EXOC4: variants seen among roughly 807,000 people sequenced by gnomAD.
EXOC4 encodes exocyst complex component 4, also known as SEC8-like 1.
EXOC4 carries 71 observed loss-of-function variants against 107.2 expected under a neutral mutation model. The observed-to-expected ratio is 0.66, with a 90% CI of 0.55 to 0.81. The LOEUF is 0.81. Ranked by LOEUF, EXOC4 falls within the 30% of genes least tolerant of loss-of-function variation. The probability of loss-of-function intolerance (pLI) is 0.00; values close to 1 mark genes in which losing one functional copy is unlikely to be tolerated. For synonymous variants in EXOC4, 456 were observed against 441.2 expected, an observed-to-expected ratio of 1.03 and a Z score of -0.42; for missense variants, 1,108 against 1,189.6, an observed-to-expected ratio of 0.93 and a Z score of 1.01.
chr7:134,067,174 A>G (rs1796192666), downstream of EXOC4, among the ~76,000 whole-genome samples: 1 of 149,592 alleles, frequency 6.7e-6, no homozygotes, highest in African/African-American at 2.5e-5. Flanking sequence ...AAAAAAAAAA[A>G]GGCCAACGAA....
intron 14 of EXOC4, among the ~76,000 whole-genome samples, chr7:133,953,036 A>T (rs1417995037): frequency 6.6e-6 from 1 of 152,212 alleles, no homozygotes; most frequent in African/African-American, 2.4e-5. Context: ...GAAATTAGTC[A>T]TTTGAGATTA....
At chr7:133,412,218 A>G (rs780372370) in intron 7 of EXOC4, among the ~76,000 whole-genome samples, 17 of 148,144 alleles carry the variant, frequency 1.1e-4, no homozygotes, top group Admixed American at 2.7e-4. Flanking sequence ...TTAAGCCTTG[A>G]AGAGTGTCCA....
intron 10 of EXOC4, among the ~76,000 whole-genome samples, chr7:133,706,768 A>C (rs1413600739): frequency 6.6e-6 from 1 of 152,166 alleles, no homozygotes. Context: ...ATATCCCTGC[A>C]TGGCTTATGA....
At chr7:133,740,018 A>G (rs1178604347) in intron 10 of EXOC4, among the ~76,000 whole-genome samples, 2 of 152,100 alleles carry the variant, frequency 1.3e-5, no homozygotes, top group Admixed American at 6.5e-5. Context: ...AGAAATGAAG[A>G]TATTAGAGGA....
At chr7:133,629,207 G>A (rs564336974) in intron 9 of EXOC4, among the ~76,000 whole-genome samples, 3 of 152,102 alleles carry the variant, frequency 2.0e-5, no homozygotes, top group Admixed American at 6.5e-5. Context: ...TAAATAGCAG[G>A]ACTTTTTTTT....
At chr7:133,687,457 C>T (rs927242563) in intron 10 of EXOC4, among the ~76,000 whole-genome samples, 1 of 152,024 alleles carries the variant, frequency 6.6e-6, no homozygotes, top group Non-Finnish European at 1.5e-5. Flanking sequence ...CTGAAACTCA[C>T]CAGATCACTA....
At chr7:133,976,022 A>G (rs1563077577) in intron 14 of EXOC4, among the ~76,000 whole-genome samples, 1 of 152,214 alleles carries the variant, frequency 6.6e-6, no homozygotes, top group African/African-American at 2.4e-5. Context: ...AATGAAAGAA[A>G]AGCCCTGCAG....
intron 7 of EXOC4, among the ~76,000 whole-genome samples, chr7:133,468,998 A>T (rs1174925722): frequency 6.6e-6 from 1 of 152,150 alleles, no homozygotes; most frequent in Non-Finnish European, 1.5e-5. Flanking sequence ...TCATGTTGAG[A>T]GCTTGAGACA....
chr7:133,507,372 C>A (rs1799686559), intron 9 of EXOC4, among the ~76,000 whole-genome samples: 1 of 152,104 alleles, frequency 6.6e-6, no homozygotes, highest in Admixed American at 6.5e-5. Context: ...TCTTAAAATT[C>A]ATCTGTTTTA....
intron 6 of EXOC4, among the ~76,000 whole-genome samples, chr7:133,366,118 A>G (rs1261337004): frequency 6.6e-6 from 1 of 152,202 alleles, no homozygotes; most frequent in East Asian, 1.9e-4. Flanking sequence ...TGACTAATTC[A>G]AGGTTCCCTG....
At chr7:133,370,302 T>G (rs2150681966) in intron 6 of EXOC4, among the ~76,000 whole-genome samples, 1 of 152,104 alleles carries the variant, frequency 6.6e-6, no homozygotes, top group South Asian at 2.1e-4. Context: ...TAATTTTAAT[T>G]TTAATTTTTA....
chr7:133,934,620 A>G (rs1800256317), intron 13 of EXOC4, among the ~76,000 whole-genome samples: 1 of 152,076 alleles, frequency 6.6e-6, no homozygotes, highest in Admixed American at 6.6e-5. Flanking sequence ...GTCGCATTCC[A>G]CCTAGGGCTA....
chr7:134,055,833 AAAAT>A (rs1020702127), intron 17 of EXOC4, among the ~76,000 whole-genome samples: 3 of 152,200 alleles, frequency 2.0e-5, no homozygotes, highest in African/African-American at 7.2e-5. Context: ...TTAGATTTTA[AAAAT>A]AAATAAATAA....
intron 10 of EXOC4, among the ~76,000 whole-genome samples, chr7:133,724,401 G>A (rs796708986): frequency 1.5e-4 from 23 of 152,212 alleles, no homozygotes; most frequent in African/African-American, 5.3e-4. Context: ...CCGGAAACTC[G>A]TTTGCTGGGT....
At chr7:134,041,074 C>T (rs1286375406) in intron 17 of EXOC4, among the ~76,000 whole-genome samples, 1 of 152,180 alleles carries the variant, frequency 6.6e-6, no homozygotes, top group South Asian at 2.1e-4. Flanking sequence ...CTCCTCTCCC[C>T]ATGATTATGG....
intron 14 of EXOC4, among the ~76,000 whole-genome samples, chr7:133,966,413 AG>A (rs1207838845): frequency 6.6e-6 from 1 of 152,174 alleles, no homozygotes; most frequent in African/African-American, 2.4e-5. Context: ...CCATTTTCAG[AG>A]GGAATGCTTC....
chr7:133,488,847 T>G (rs1799318448), intron 9 of EXOC4, among the ~76,000 whole-genome samples: 2 of 151,420 alleles, frequency 1.3e-5, no homozygotes, highest in African/African-American at 4.8e-5. Context: ...TGGTTGAATC[T>G]CAAAGGTAGT....
intron 10 of EXOC4, among the ~76,000 whole-genome samples, chr7:133,812,700 T>C (rs138533552): frequency 1.3e-5 from 2 of 152,362 alleles, no homozygotes; most frequent in East Asian, 1.9e-4. Context: ...GATGGCTACA[T>C]TGAGCTAAGT....
rs141421595 is a variant in EXOC4, at chr7:133,447,836, T to TA, written c.1183-27485dup. ...AGGTTATGGATGAGAGAAGAGTTAA[T>TA]AAAAAAACTAATGACTCAAGTCATT... On this transcript the variant is annotated intron_variant, in intron 7 of 17. Coordinates refer to ENST00000253861, the MANE Select transcript of EXOC4 (RefSeq NM_021807.4). 1.8e-3 allele frequency among the ~76,000 whole-genome samples: 270 copies of TA among 152,266 alleles called. 8 individuals carry two copies. The East Asian group carries it at 0.04, about 22-fold the overall frequency.
Sources: allele counts gnomAD v4.1 joint callset (sites outside exome capture counted in the v4.1 genomes callset), GRCh38; gene constraint gnomAD v4.1.1; transcripts MANE v1.5; gene names NCBI Gene and HGNC (gene_info 2026-07-23, HGNC 2026-07-21).